KLF17: variants seen among roughly 807,000 people sequenced by gnomAD.
The protein encoded by KLF17 is Krueppel-like factor 17.
Under a neutral mutation model 34.2 loss-of-function variants are expected in KLF17, and 31 were observed. The ratio of observed to expected loss-of-function variants is 0.91; its 90% CI spans 0.68 to 1.22. KLF17 has a LOEUF of 1.22. KLF17 is among the 50% of genes most tolerant of loss of function. The pLI is 0.00. For synonymous variants in KLF17, 179 were observed against 186.7 expected (o/e 0.96, Z 0.34); for missense variants, 478 against 505.2 (o/e 0.95, Z 0.52).
the KLF17 span, among the ~76,000 whole-genome samples, chr1:44,091,496 A>C: frequency 6.6e-6 from 1 of 152,068 alleles, no homozygotes. Flanking sequence ...TTTCTACTAA[A>C]AACATGAGAA....
chr1:44,086,114 T>C, the KLF17 span, among the ~76,000 whole-genome samples: 1 of 152,052 alleles, frequency 6.6e-6, no homozygotes. Flanking sequence ...GAAGACCAGA[T>C]GGAGGGAAAG....
At chr1:44,103,432 T>G in the KLF17 span, 1 of 794,254 alleles carries the variant, frequency 1.3e-6, no homozygotes, top group African/African-American at 1.7e-5. Flanking sequence ...CTGGCGCCCA[T>G]GCCAGAGCCA....
chr1:44,130,620 G>A lies in KLF17; in HGVS notation c.1034G>A (p.Cys345Tyr). The change falls in exon 3 of 4, where the codon TGT (cysteine) becomes TAT (tyrosine). Residue 345 changes from cysteine (C) to tyrosine (Y), a missense_variant. Cys to Tyr is a radical substitution (Grantham distance 194). Transcript: ENST00000372299. ...CACACCAGATATCGACCATATAAAT[G>A]TGATCAGTGCAGCCGGGAGTTCATG... ...RVHTRYRPYK[C>Y]DQCSREFMRS... The A allele has an allele frequency of 6.2e-7, 1 of 1,614,076 alleles. No homozygotes were observed. Among genetic ancestry groups the A allele is most frequent in the Non-Finnish European group, 8.5e-7 (1 of 1,180,010 alleles).
chr1:44,063,383 G>GA, the KLF17 span, among the ~76,000 whole-genome samples: 13 of 152,196 alleles, frequency 8.5e-5, no homozygotes, highest in South Asian at 6.2e-4. Context: ...CAATAAAATG[G>GA]AAAAAAATCA....
At chr1:44,054,497 T>TC in the KLF17 span, among the ~76,000 whole-genome samples, 2 of 149,298 alleles carry the variant, frequency 1.3e-5, no homozygotes, top group African/African-American at 5.0e-5. Context: ...TTTTTTTTTT[T>TC]TGAGACAGAG....
chr1:44,058,510 C>T, the KLF17 span, among the ~76,000 whole-genome samples: 6 of 151,914 alleles, frequency 3.9e-5, no homozygotes, highest in East Asian at 3.9e-4. Context: ...AGGCTGGTCT[C>T]GAACTCCTAA....
the KLF17 span, among the ~76,000 whole-genome samples, chr1:44,079,948 A>G: frequency 1.4e-5 from 2 of 146,306 alleles, no homozygotes; most frequent in African/African-American, 2.5e-5. Flanking sequence ...TCTTTTTTTG[A>G]GACAGAGTCT....
the KLF17 span, among the ~76,000 whole-genome samples, chr1:44,099,060 G>A: frequency 2.0e-5 from 3 of 151,914 alleles, no homozygotes; most frequent in East Asian, 5.8e-4. Flanking sequence ...AAAAAGCAAA[G>A]TGCAAAAGAG....
At chr1:44,089,911 C>T in the KLF17 span, among the ~76,000 whole-genome samples, 1 of 151,854 alleles carries the variant, frequency 6.6e-6, no homozygotes, top group East Asian at 1.9e-4. Context: ...CCTGTAATAC[C>T]AGCACTTTGG....
the KLF17 span, among the ~76,000 whole-genome samples, chr1:44,050,072 T>A: frequency 6.6e-5 from 10 of 152,354 alleles, no homozygotes; most frequent in South Asian, 2.1e-3. Flanking sequence ...TACTGTCTCC[T>A]GGCATATGCA....
intron 1 of KLF17, among the ~76,000 whole-genome samples, chr1:44,119,665 ACC>A (rs968527942): frequency 6.6e-6 from 1 of 152,130 alleles, no homozygotes; most frequent in African/African-American, 2.4e-5. Context: ...GGACTAAAGA[ACC>A]CGTCAGGTGA....
the KLF17 span, among the ~76,000 whole-genome samples, chr1:44,101,092 T>C: frequency 6.6e-6 from 1 of 152,198 alleles, no homozygotes; most frequent in East Asian, 1.9e-4. Context: ...ATTTCAGATT[T>C]ACAGAAAGTT....
chr1:44,082,850 C>T, the KLF17 span, among the ~76,000 whole-genome samples: 1 of 151,990 alleles, frequency 6.6e-6, no homozygotes, highest in African/African-American at 2.4e-5. Flanking sequence ...GTGACCAGCA[C>T]TGTGATAACT....
At chr1:44,088,062 G>A in the KLF17 span, 6 of 217,298 alleles carry the variant, frequency 2.8e-5, no homozygotes, top group South Asian at 3.3e-4. Flanking sequence ...CTGCTTGAGA[G>A]ATGGGTTCCT....
At chr1:44,102,615 G>A in the KLF17 span, among the ~76,000 whole-genome samples, 31 of 70,122 alleles carry the variant, frequency 4.4e-4, no homozygotes, top group South Asian at 1.1e-3. Flanking sequence ...CACACACACA[G>A]AAAAGAAAAA....
the KLF17 span, chr1:44,103,348 A>C: frequency 1.5e-6 from 1 of 687,466 alleles, no homozygotes; most frequent in South Asian, 1.5e-5. Flanking sequence ...CCGGACTCGG[A>C]CACCGGCTTC....
the KLF17 span, among the ~76,000 whole-genome samples, chr1:44,068,553 C>G: frequency 6.6e-6 from 1 of 152,226 alleles, no homozygotes; most frequent in Non-Finnish European, 1.5e-5. Context: ...TGCCCTTCGG[C>G]CTTGGCCTTG....
At chr1:44,103,833 C>CTGA in the KLF17 span, 1 of 800,108 alleles carries the variant, frequency 1.2e-6, no homozygotes, top group Non-Finnish European at 2.2e-6. Context: ...CTGGAGCCCA[C>CTGA]TGATGTTCCA....
At chr1:44,105,449 A>G in the KLF17 span, 1 of 152,054 alleles carries the variant, frequency 6.6e-6, no homozygotes, top group Non-Finnish European at 1.5e-5. Context: ...TGAATTTGGC[A>G]GACAGGATGG....
Sources: gnomAD v4.1 joint callset for allele counts (sites outside exome capture counted in the v4.1 genomes callset) on GRCh38, gnomAD v4.1.1 for gene constraint, MANE v1.5 for transcripts, NCBI Gene and HGNC (gene_info 2026-07-23, HGNC 2026-07-21) for gene names.